The following UBAP1L variants were observed in gnomAD, a reference collection of about 807,000 sequenced individuals.
UBAP1L encodes the protein ubiquitin-associated protein 1-like.
UBAP1L carries 32 observed loss-of-function variants against 32.1 expected under a neutral mutation model. The observed-to-expected ratio is 1.00, with a 90% CI of 0.75 to 1.34. UBAP1L has a LOEUF of 1.34. UBAP1L is among the 40% of genes most tolerant of loss of function. UBAP1L has a pLI of 0.00. For synonymous variants in UBAP1L, 243 were observed against 250.2 expected, an observed-to-expected ratio of 0.97 and a Z score of 0.27; for missense variants, 516 against 540.5, an observed-to-expected ratio of 0.95 and a Z score of 0.45.
chr15:65,105,812 G>A (rs2087302449), intron 2 of UBAP1L: 2 of 709,670 alleles, frequency 2.8e-6, no homozygotes, highest in Admixed American at 3.6e-5. Context: ...TTGTTTTTGA[G>A]ACGAAGTCTC....
Position 65,102,794 on chromosome 15 carries a change from C to T in UBAP1L, c.121-110G>A. 1.2e-5 allele frequency: 12 copies of T among 1,028,338 alleles called. No individual in the cohort carries two copies. Among genetic ancestry groups the T allele is most frequent in the Non-Finnish European group, 1.6e-5 (12 of 734,416 alleles). 63.7% of individuals were successfully genotyped at this position (1,028,338 alleles called of 1,614,324 possible). On this transcript the variant is annotated intron_variant, in intron 2 of 5. Coordinates refer to ENST00000559089, the MANE Select transcript of UBAP1L (RefSeq NM_001163692.2). The surrounding 1 kb of genome is among the most constrained non-coding windows in gnomAD (Gnocchi z 5.0). ...CAGCCAGAGACTCTCTAAGCCTGGA[C>T]AGCGTCAGATTCTGAGCCCCGGGCT...
intron 2 of UBAP1L, among the ~76,000 whole-genome samples, chr15:65,104,234 A>G (rs2087277601): frequency 6.6e-6 from 1 of 152,036 alleles, no homozygotes; most frequent in Non-Finnish European, 1.5e-5. Context: ...AGCCTGGGCG[A>G]CAAAGCGAGA....
chr15:65,103,362 C>CTAAAAAAGCAATCTGGAGTCCACA (rs1226801001), intron 2 of UBAP1L, among the ~76,000 whole-genome samples: 12 of 152,096 alleles, frequency 7.9e-5, no homozygotes, highest in African/African-American at 2.9e-4. Flanking sequence ...ATCAGACCAC[C>CTAAAAAAGCAATCTGGAGTCCACA]TAAAAAAGCA....
chr15:65,099,290 C>A, intron 4 of UBAP1L: 1 of 569,312 alleles, frequency 1.8e-6, no homozygotes, highest in Non-Finnish European at 3.1e-6. Context: ...AGGTCACCCC[C>A]TTCCCACATG....
At chr15:65,098,239 C>A (rs2087200132) in intron 4 of UBAP1L, 1 of 152,322 alleles carries the variant, frequency 6.6e-6, no homozygotes, top group Non-Finnish European at 1.5e-5. Flanking sequence ...GCCTCATGCA[C>A]CCTCTCCTCA....
chr15:65,106,048 G>C (rs2087306279), intron 2 of UBAP1L, 48 bp downstream of exon 2: 1 of 1,548,020 alleles, frequency 6.5e-7, no homozygotes, highest in Non-Finnish European at 8.7e-7. Context: ...CATGGACTCA[G>C]CCCCAGACCC....
intron 1 of UBAP1L, among the ~76,000 whole-genome samples, chr15:65,113,483 C>T (rs908235828): frequency 6.6e-6 from 1 of 152,192 alleles, no homozygotes; most frequent in Non-Finnish European, 1.5e-5. Flanking sequence ...CACAATGGCT[C>T]ACATCTGTAA....
rs1469894299 is a variant in UBAP1L, at chr15:65,102,106, C to T, written c.699G>A (p.Ala233=). Residue 233 remains alanine, a splice_region_variant and synonymous_variant, in exon 3 of 6, where the codon GCG becomes GCA. Coordinates refer to ENST00000559089, the MANE Select transcript of UBAP1L (RefSeq NM_001163692.2). The surrounding 1 kb of genome is among the most constrained non-coding windows in gnomAD (Gnocchi z 5.0). ...PPLRSHKPTV[A]SLSPYTCLPP... is the part of the protein sequence containing the mutation. ...TTGGAGGGGCGGGCAGAATCCTTAC[C>T]GCGACCGTAGGCTTGTGGCTCCGCA... The T allele has an allele frequency of 4.2e-6, 5 of 1,198,770 alleles. No homozygotes were observed. Among genetic ancestry groups the T allele is most frequent in the Non-Finnish European group, 5.2e-6 (5 of 964,402 alleles). The allele number at this position is 1,198,770 out of a possible 1,614,324, so 74.3% of individuals were successfully genotyped here. A position where few individuals can be genotyped will look rare whatever the true frequency, so the allele number is the denominator to read the frequency against.
rs1196168112 is a variant in UBAP1L at position 65,093,001 on chromosome 15, T to G, written c.*96A>C. On this transcript the variant is annotated 3_prime_UTR_variant, in exon 6 of 6. Transcript: ENST00000559089. ...GTTTTTACAATAAGTATGCATCACT[T>G]TGTTACTCTTACTTGGTTTTAATAA... 7.0e-7 allele frequency: 1 copy of G among 1,425,212 alleles called. No homozygotes were observed. Among genetic ancestry groups the G allele is most frequent in the South Asian group, 1.4e-5 (1 of 73,308 alleles). The allele number at this position is 1,425,212 out of a possible 1,614,324, so 88.3% of individuals were successfully genotyped here. A position where few individuals can be genotyped will look rare whatever the true frequency, so the allele number is the denominator to read the frequency against.
In UBAP1L at chr15:65,099,733, G is replaced by A; in HGVS notation, c.700-19C>T. The A allele has an allele frequency of 1.3e-6, 2 of 1,531,856 alleles. No individual in the cohort carries two copies. The highest frequency in any genetic ancestry group is 8.8e-7 in the Non-Finnish European group (1 of 1,133,950). 94.9% of individuals were successfully genotyped at this position (1,531,856 alleles called of 1,614,324 possible). ...TGAGGGACTGAAATACAGACAGACT[G>A]GACATGTCAGTTACTACAGGAAGTG... On this transcript the variant is annotated intron_variant, in intron 3 of 5. Transcript: ENST00000559089.
intron 1 of UBAP1L, among the ~76,000 whole-genome samples, chr15:65,109,269 G>T (rs894178027): frequency 2.1e-4 from 32 of 151,724 alleles, no homozygotes; most frequent in African/African-American, 7.5e-4. Context: ...GGATCACAAG[G>T]TCAGGAGATC....
intron 5 of UBAP1L, 142 bp from the exon 6 acceptor site, chr15:65,093,373 C>T (rs995166084): frequency 2.8e-5 from 29 of 1,018,912 alleles, no homozygotes; most frequent in South Asian, 3.9e-5. Context: ...GATCCTGGGC[C>T]ACACCTGCCA....
intron 1 of UBAP1L, among the ~76,000 whole-genome samples, chr15:65,108,771 A>ATAAC (rs1555409790): frequency 3.3e-5 from 5 of 151,322 alleles, no homozygotes; most frequent in Admixed American, 3.3e-4. Context: ...AAATAAATAA[A>ATAAC]TAAATAAATT....
intron 5 of UBAP1L, among the ~76,000 whole-genome samples, chr15:65,093,980 G>A (rs901290072): frequency 6.6e-6 from 1 of 152,230 alleles, no homozygotes; most frequent in African/African-American, 2.4e-5. Flanking sequence ...CTCGGGGGCA[G>A]AGGTTGCAGT....
At chr15:65,106,028 A>G in intron 2 of UBAP1L, 68 bp downstream of exon 2, 2 of 1,535,094 alleles carry the variant, frequency 1.3e-6, no homozygotes, top group Non-Finnish European at 1.8e-6. Context: ...AAATTCAAGG[A>G]ACAAGGCCCC....
chr15:65,096,394 G>C (rs564862119), intron 4 of UBAP1L: 2 of 152,358 alleles, frequency 1.3e-5, no homozygotes, highest in South Asian at 4.1e-4. Flanking sequence ...AATGGGGACA[G>C]CTGACCTTGA....
At chr15:65,109,569 G>A (rs753274362) in intron 1 of UBAP1L, among the ~76,000 whole-genome samples, 18 of 151,682 alleles carry the variant, frequency 1.2e-4, no homozygotes, top group Non-Finnish European at 2.4e-4. Context: ...ATCACAGAGT[G>A]GGAGAAGATA....
Position 65,102,775 on chromosome 15 carries a change from G to A in UBAP1L, c.121-91C>T. On this transcript the variant is annotated intron_variant, in intron 2 of 5. Transcript: ENST00000559089. This position sits in a 1 kb window ranked among gnomAD's most constrained non-coding sequence, Gnocchi z 5.0. ...TGGCCTGGGGGACCCTGTTCAGCCA[G>A]AGACTCTCTAAGCCTGGACAGCGTC... The A allele has an allele frequency of 8.2e-7, 1 of 1,219,408 alleles. No homozygotes were observed. The highest frequency in any genetic ancestry group is 1.4e-5 in the South Asian group (1 of 69,294). The allele number at this position is 1,219,408 out of a possible 1,614,324, so 75.5% of individuals were successfully genotyped here. A position where few individuals can be genotyped will look rare whatever the true frequency, so the allele number is the denominator to read the frequency against.
chr15:65,107,058 CAAGTT>C (rs1595922734), intron 1 of UBAP1L, among the ~76,000 whole-genome samples: 1 of 152,054 alleles, frequency 6.6e-6, no homozygotes, highest in East Asian at 1.9e-4. Context: ...ATAACACTGT[CAAGTT>C]AAGTTTATTT....
Sources: gnomAD v4.1 joint callset for allele counts (sites outside exome capture counted in the v4.1 genomes callset) on GRCh38, gnomAD v4.1.1 for gene constraint, Gnocchi (gnomAD v3.1) non-coding constraint, MANE v1.5 for transcripts, NCBI Gene and HGNC (gene_info 2026-07-23, HGNC 2026-07-21) for gene names.